MED28: variants seen among roughly 807,000 people sequenced by gnomAD.
The protein encoded by MED28 is mediator complex subunit 28, also known as mediator of RNA polymerase II transcription subunit 28.
A neutral mutation model predicts 21.3 loss-of-function variants in MED28; 26 were observed. The observed-to-expected ratio is 1.22, with a 90% CI of 0.89 to 1.69. The LOEUF is 1.69. Among genes scored for constraint, MED28 ranks in the 40% most tolerant of loss-of-function variants. The probability of loss-of-function intolerance (pLI) is 0.00; values close to 1 mark genes in which losing one functional copy is unlikely to be tolerated. For missense variants in MED28, 257 were observed against 215.4 expected (o/e 1.19, Z -1.21); for synonymous variants, 110 against 87.6 (o/e 1.26, Z -1.43).
intron 1 of MED28, among the ~76,000 whole-genome samples, chr4:17,617,339 C>G (rs1378068490): frequency 6.6e-6 from 1 of 152,222 alleles, no homozygotes; most frequent in Non-Finnish European, 1.5e-5. Flanking sequence ...CTTCTCATTC[C>G]TATTGGGGTG....
rs1385584427 is a variant in MED28 at position 17,630,514 on chromosome 4, A to ACTT, written c.*6717_*6719dup. 2 of 152,194 alleles carry ACTT rather than the reference A, an allele frequency of 1.3e-5. No homozygotes were observed. The highest frequency in any genetic ancestry group is 4.8e-5 in the African/African-American group (2 of 41,444). 9.4% of individuals were successfully genotyped at this position (152,194 alleles called of 1,614,324 possible). ...ATATCTGCTGGTGCCTTGATCTTGG[A>ACTT]CTTAGCCTCTAGGACTGTGAGTGAC... On this transcript the variant is annotated 3_prime_UTR_variant, in exon 4 of 4. Transcript: ENST00000237380.
At chr4:17,618,211 G>C (rs1054683525) in intron 1 of MED28, among the ~76,000 whole-genome samples, 1 of 151,884 alleles carries the variant, frequency 6.6e-6, no homozygotes, top group Admixed American at 6.6e-5. Flanking sequence ...GTTTCACCAC[G>C]TTGCCCATGC....
chr4:17,625,832 G>C lies in MED28; in HGVS notation c.*2034G>C, dbSNP rs537447702. 3.2e-6 allele frequency: 1 copy of C among 308,996 alleles called. No homozygotes were observed. Among genetic ancestry groups the C allele is most frequent in the South Asian group, 2.6e-5 (1 of 37,784 alleles). The allele number at this position is 308,996 out of a possible 1,614,324, so 19.1% of individuals were successfully genotyped here. A position where few individuals can be genotyped will look rare whatever the true frequency, so the allele number is the denominator to read the frequency against. On this transcript the variant is annotated 3_prime_UTR_variant, in exon 4 of 4. Coordinates refer to ENST00000237380, the MANE Select transcript of MED28 (RefSeq NM_025205.5). ...TTATGTCTTGGAAGAGACTCCTGCT[G>C]TGATTGTCCAGGGGTACGTTCTGGT...
In MED28 at chr4:17,616,962, A is replaced by G. The variant is rs1367629645; in HGVS notation, c.159+2149A>G. Among the ~76,000 whole-genome samples, 3 of 152,218 alleles carry G rather than the reference A, an allele frequency of 2.0e-5. No individual in the cohort carries two copies. The East Asian group carries it at 5.8e-4, about 29-fold the overall frequency. The stretch of plus-strand genomic sequence containing the variant: ...GATTATCCATACAGAGAATACAGAG[A>G]AAACCAGTCCCTGCCTTCAGGAAGC... On this transcript the variant is annotated intron_variant, in intron 1 of 3. Coordinates refer to ENST00000237380, the MANE Select transcript of MED28 (RefSeq NM_025205.5).
At chr4:17,621,133 G>C (rs1714617352) in intron 2 of MED28, among the ~76,000 whole-genome samples, 1 of 151,030 alleles carries the variant, frequency 6.6e-6, no homozygotes, top group African/African-American at 2.4e-5. Flanking sequence ...TTCTGCCTCA[G>C]CCTCTTGAGT....
In MED28 at chr4:17,629,700, C is replaced by T. The variant is rs1451173627; in HGVS notation, c.*5902C>T. The T allele has an allele frequency of 6.6e-6, 1 of 152,206 alleles. No homozygotes were observed. The highest frequency in any genetic ancestry group is 1.5e-5 in the Non-Finnish European group (1 of 68,036). The allele number at this position is 152,206 out of a possible 1,614,324, so 9.4% of individuals were successfully genotyped here. A position where few individuals can be genotyped will look rare whatever the true frequency, so the allele number is the denominator to read the frequency against. On this transcript the variant is annotated 3_prime_UTR_variant, in exon 4 of 4. Transcript: ENST00000237380. ...AATTTCTCTTCATCTTCACTGTCAC[C>T]TCTACGCCATCACTGTCATCTCTAG... is the stretch of plus-strand genomic sequence containing the variant.
chr4:17,617,187 A>G (rs1329852216), intron 1 of MED28, among the ~76,000 whole-genome samples: 1 of 152,210 alleles, frequency 6.6e-6, no homozygotes, highest in Non-Finnish European at 1.5e-5. Flanking sequence ...CTGCTGGGTG[A>G]TCACGATCTG....
intron 3 of MED28, among the ~76,000 whole-genome samples, chr4:17,622,103 G>A (rs957903229): frequency 2.0e-5 from 3 of 152,192 alleles, no homozygotes; most frequent in Non-Finnish European, 2.9e-5. Context: ...AGTAGTGTTC[G>A]ACCCAGGTTC....
In MED28 at chr4:17,619,895, A is replaced by T; in HGVS notation, c.160-6A>T. 4 of 1,613,622 alleles carry T rather than the reference A, an allele frequency of 2.5e-6. No homozygotes were observed. In the African/African-American group the frequency reaches 4.0e-5, roughly 16 times the overall value. ...TTTTTTTCTTTCCTATGTTTTGATT[A>T]CACAGGCTTGCTTTGCATCTCTGGT... On this transcript the variant is annotated splice_region_variant and splice_polypyrimidine_tract_variant and intron_variant, in intron 1 of 3. Coordinates refer to ENST00000237380, the MANE Select transcript of MED28 (RefSeq NM_025205.5).
At chr4:17,614,959 C>A in intron 1 of MED28, 146 bp downstream of exon 1, 1 of 1,057,322 alleles carries the variant, frequency 9.5e-7, no homozygotes, top group Non-Finnish European at 1.4e-6. Flanking sequence ...TTGCTTTAGG[C>A]TTCCCCGTGG....
Position 17,628,512 on chromosome 4 carries a change from T to G in MED28, c.*4714T>G, listed in dbSNP as rs892441558. On this transcript the variant is annotated 3_prime_UTR_variant, in exon 4 of 4. Transcript: ENST00000237380. ...GGCCAGAATCCTAAAAGAGGTTCTT[T>G]GTGACACCCTCTGTCTGAGAAGTCC... 1 of 152,124 alleles carries G rather than the reference T, an allele frequency of 6.6e-6. No individual in the cohort carries two copies. The highest frequency in any genetic ancestry group is 6.5e-5 in the Admixed American group (1 of 15,268). The allele number at this position is 152,124 out of a possible 1,614,324, so 9.4% of individuals were successfully genotyped here. A position where few individuals can be genotyped will look rare whatever the true frequency, so the allele number is the denominator to read the frequency against.
rs1472826083 is a variant in MED28 at position 17,633,873 on chromosome 4, C to T, written c.*10075C>T. 1.9e-6 allele frequency: 3 copies of T among 1,548,898 alleles called. No homozygotes were observed. Among genetic ancestry groups the T allele is most frequent in the South Asian group, 2.4e-5 (2 of 83,738 alleles). ...ACGCTGACCACGCGGCTGGGCACGT[C>T]CTCCACCTTCTTTTTCTGTTTGTAT... On this transcript the variant is annotated 3_prime_UTR_variant, in exon 4 of 4. Coordinates refer to ENST00000237380, the MANE Select transcript of MED28 (RefSeq NM_025205.5).
rs949627387 is a variant in MED28 at position 17,632,015 on chromosome 4, G to A, written c.*8217G>A. 2 of 141,354 alleles carry A rather than the reference G, an allele frequency of 1.4e-5. No homozygotes were observed. The highest frequency in any genetic ancestry group is 5.3e-5 in the African/African-American group (2 of 37,398). The allele number at this position is 141,354 out of a possible 1,614,324, so 8.8% of individuals were successfully genotyped here. On this transcript the variant is annotated 3_prime_UTR_variant, in exon 4 of 4. Transcript: ENST00000237380. ...ACGCTAATAACATTTTCCTATAGAT[G>A]ACTTTTAATAACACTGGTTTAATGT...
At position 17,630,765 on chromosome 4, in the gene MED28, TTATATG is replaced by T. The variant is rs1236240590; in HGVS notation, c.*6970_*6975del. Reference sequence around the variant, plus strand: ...TACCTTTAATACGTAAGTTTGACAGTTATATGTAATCAGCTTTTTTTTTTTTAAGAT... The same window carrying T: ...TACCTTTAATACGTAAGTTTGACAGTTAATCAGCTTTTTTTTTTTTAAGAT... On this transcript the variant is annotated 3_prime_UTR_variant, in exon 4 of 4. Transcript: ENST00000237380. 1 of 136,962 alleles carries T rather than the reference TTATATG, an allele frequency of 7.3e-6. No homozygotes were observed. Among genetic ancestry groups the T allele is most frequent in the Non-Finnish European group, 1.6e-5 (1 of 62,940 alleles). 8.5% of individuals were successfully genotyped at this position (136,962 alleles called of 1,614,324 possible).
intron 1 of MED28, 127 bp downstream of exon 1, chr4:17,614,940 G>A (rs1452948407): frequency 4.2e-6 from 5 of 1,199,734 alleles, no homozygotes; most frequent in Non-Finnish European, 4.7e-6. Flanking sequence ...GAGGCTTAAA[G>A]TAAGTCACTT....
At chr4:17,621,466 T>TA (rs1172503599) in intron 2 of MED28, 121 bp from the exon 3 acceptor site, 2 of 627,144 alleles carry the variant, frequency 3.2e-6, no homozygotes, top group Non-Finnish European at 5.3e-6. Context: ...TGGCCAAGAT[T>TA]AAAATCCCTG....
At chr4:17,623,385 C>T (rs1191390983) in intron 3 of MED28, among the ~76,000 whole-genome samples, 8 of 108,782 alleles carry the variant, frequency 7.4e-5, no homozygotes, top group Admixed American at 5.5e-4. Context: ...TAAGTGACAG[C>T]AAGACTTCGT....
At chr4:17,615,211 C>A (rs1577229782) in intron 1 of MED28, among the ~76,000 whole-genome samples, 2 of 152,270 alleles carry the variant, frequency 1.3e-5, no homozygotes, top group South Asian at 4.1e-4. Context: ...CACCTTTAAA[C>A]GATCCTAAAG....
Position 17,629,064 on chromosome 4 carries a change from C to CCTGT in MED28, c.*5269_*5272dup, listed in dbSNP as rs1296898600. The CCTGT allele has an allele frequency of 6.6e-6, 1 of 152,202 alleles. No individual in the cohort carries two copies. The highest frequency in any genetic ancestry group is 1.5e-5 in the Non-Finnish European group (1 of 68,118). The allele number at this position is 152,202 out of a possible 1,614,324, so 9.4% of individuals were successfully genotyped here. ...ACCAGCCTGGCCAACATGGTGAAAC[C>CCTGT]CTGTCTCTACTAAAAATACATTAAT... On this transcript the variant is annotated 3_prime_UTR_variant, in exon 4 of 4. Coordinates refer to ENST00000237380, the MANE Select transcript of MED28 (RefSeq NM_025205.5).
Sources: allele counts gnomAD v4.1 joint callset (sites outside exome capture counted in the v4.1 genomes callset), GRCh38; gene constraint gnomAD v4.1.1; transcripts MANE v1.5; gene names NCBI Gene and HGNC (gene_info 2026-07-23, HGNC 2026-07-21).